CPVL: variants seen among roughly 807,000 people sequenced by gnomAD.
CPVL encodes the protein carboxypeptidase vitellogenic like.
Under a neutral mutation model 63.7 loss-of-function variants are expected in CPVL, and 51 were observed. That is an observed-to-expected ratio of 0.80 (90% CI 0.64 to 1.01). CPVL has a LOEUF of 1.01. Among genes scored for constraint, CPVL ranks in the 50% least tolerant of loss-of-function variants. The probability of loss-of-function intolerance (pLI) is 0.00; values close to 1 mark genes in which losing one functional copy is unlikely to be tolerated. For missense variants in CPVL, 530 were observed against 573.1 expected (o/e 0.92, Z 0.77); for synonymous variants, 195 against 206.0 (o/e 0.95, Z 0.46).
intron 8 of CPVL, 56 bp from the exon 9 acceptor site, chr7:29,071,960 G>A: frequency 6.2e-7 from 1 of 1,601,310 alleles, no homozygotes; most frequent in Non-Finnish European, 8.5e-7. Context: ...GAGACCTTAA[G>A]GAAGCCCATT....
intron 11 of CPVL, among the ~76,000 whole-genome samples, chr7:29,050,380 G>A (rs182486802): frequency 1.4e-5 from 2 of 147,684 alleles, no homozygotes; most frequent in Admixed American, 1.4e-4. Flanking sequence ...ATCAAATCAA[G>A]AACTCAACCC....
At chr7:29,131,839 T>C (rs245861) in intron 1 of CPVL, among the ~76,000 whole-genome samples, 90,623 of 152,096 alleles carry the variant, frequency 0.6, 27,538 homozygotes, top group East Asian at 0.82. Context: ...AAGGAGTTAG[T>C]GTAGCACTTC....
At chr7:29,080,497 G>A (rs779092998) in intron 7 of CPVL, among the ~76,000 whole-genome samples, 1 of 149,966 alleles carries the variant, frequency 6.7e-6, no homozygotes, top group Non-Finnish European at 1.5e-5. Context: ...ATTGGAGGGT[G>A]CAGTGAGCTG....
At chr7:29,032,778 T>C (rs1788155218) in intron 11 of CPVL, among the ~76,000 whole-genome samples, 1 of 152,248 alleles carries the variant, frequency 6.6e-6, no homozygotes, top group African/African-American at 2.4e-5. Context: ...CTCCCACAGC[T>C]TTCTTTACTG....
intron 6 of CPVL, among the ~76,000 whole-genome samples, chr7:29,088,843 T>C (rs559018305): frequency 6.6e-6 from 1 of 152,166 alleles, no homozygotes; most frequent in East Asian, 1.9e-4. Flanking sequence ...GGTGTGGTGG[T>C]GGGCGCCTGT....
At chr7:29,069,491 T>C (rs892312495) in intron 9 of CPVL, among the ~76,000 whole-genome samples, 32 of 146,030 alleles carry the variant, frequency 2.2e-4, no homozygotes, top group Admixed American at 6.1e-4. Flanking sequence ...AAAAATAACA[T>C]GGGTGGTCAA....
At chr7:29,188,642 A>G (rs1374362818) in intron 1 of CPVL, among the ~76,000 whole-genome samples, 2 of 152,100 alleles carry the variant, frequency 1.3e-5, no homozygotes, top group Admixed American at 1.3e-4. Flanking sequence ...AAGGCAGAGG[A>G]CATTCAGAGT....
intron 4 of CPVL, among the ~76,000 whole-genome samples, chr7:29,184,150 A>ATGAT (rs1435081724): frequency 7.7e-6 from 1 of 129,508 alleles, no homozygotes; most frequent in Non-Finnish European, 1.7e-5. Flanking sequence ...ATACAGATAG[A>ATGAT]TGATAGATAG....
chr7:29,101,281 A>C (rs889659707), intron 3 of CPVL, among the ~76,000 whole-genome samples: 13 of 152,258 alleles, frequency 8.5e-5, no homozygotes, highest in Non-Finnish European at 1.9e-4. Flanking sequence ...GAAGCAAGAC[A>C]ATTAATGCAT....
intron 4 of CPVL, among the ~76,000 whole-genome samples, chr7:29,181,994 T>G (rs887142046): frequency 2.6e-5 from 4 of 152,330 alleles, no homozygotes; most frequent in African/African-American, 9.6e-5. Flanking sequence ...CAAAACATCT[T>G]AAATAACATA....
At chr7:29,151,865 A>G (rs78014243) in intron 5 of CPVL, among the ~76,000 whole-genome samples, 1,867 of 152,384 alleles carry the variant, frequency 0.012, 21 homozygotes, top group Non-Finnish European at 0.019. Context: ...ATAGCCATCA[A>G]CACAATGTCT....
At chr7:29,046,605 G>A (rs963060738) in intron 11 of CPVL, among the ~76,000 whole-genome samples, 2 of 150,868 alleles carry the variant, frequency 1.3e-5, no homozygotes, top group East Asian at 1.9e-4. Context: ...ACTCATACAC[G>A]GTCTTTGAAA....
intron 12 of CPVL, among the ~76,000 whole-genome samples, chr7:29,000,190 T>C (rs1784475936): frequency 1.3e-5 from 2 of 152,084 alleles, no homozygotes; most frequent in African/African-American, 4.8e-5. Context: ...TAGAAAACAA[T>C]ATAATTCTCC....
intron 5 of CPVL, among the ~76,000 whole-genome samples, chr7:29,178,860 C>T (rs1006821419): frequency 1.3e-5 from 2 of 152,138 alleles, no homozygotes; most frequent in Non-Finnish European, 2.9e-5. Flanking sequence ...GGGTTTGCCA[C>T]AAATTTGACC....
At chr7:29,105,048 G>T (rs1009762326) in intron 3 of CPVL, among the ~76,000 whole-genome samples, 5 of 152,128 alleles carry the variant, frequency 3.3e-5, no homozygotes, top group African/African-American at 1.2e-4. Context: ...AAGATAAATA[G>T]AGTCAGTTTG....
intron 1 of CPVL, among the ~76,000 whole-genome samples, chr7:29,135,171 T>C (rs548126498): frequency 6.7e-6 from 1 of 149,670 alleles, no homozygotes; most frequent in South Asian, 2.1e-4. Flanking sequence ...TCTGCAGAGG[T>C]ATAGATATGA....
At chr7:29,017,860 T>G (rs1786566477) in intron 12 of CPVL, among the ~76,000 whole-genome samples, 1 of 152,256 alleles carries the variant, frequency 6.6e-6, no homozygotes. Flanking sequence ...AGAGAATCTC[T>G]GGGCTGTAAG....
chr7:29,059,508 G>A (rs938398619), intron 11 of CPVL, among the ~76,000 whole-genome samples: 3 of 152,178 alleles, frequency 2.0e-5, no homozygotes, highest in Non-Finnish European at 4.4e-5. Flanking sequence ...GCATGATCAA[G>A]TGGGATTTAC....
At chr7:29,013,199 A>C (rs1786026132) in intron 12 of CPVL, 1 of 152,228 alleles carries the variant, frequency 6.6e-6, no homozygotes, top group Admixed American at 6.5e-5. Context: ...TGGTATGGAG[A>C]GAGCACTGGA....
Sources: gnomAD v4.1 joint callset for allele counts (sites outside exome capture counted in the v4.1 genomes callset) on GRCh38, gnomAD v4.1.1 for gene constraint, MANE v1.5 for transcripts, NCBI Gene and HGNC (gene_info 2026-07-23, HGNC 2026-07-21) for gene names.